The following POM121 variants were observed in gnomAD, a reference collection of about 807,000 sequenced individuals.
POM121 encodes nuclear envelope pore membrane protein POM 121.
POM121 carries 32 observed loss-of-function variants against 81.3 expected under a neutral mutation model. The observed-to-expected ratio is 0.39, with a 90% CI of 0.30 to 0.53. POM121 has a LOEUF of 0.53. POM121 is among the 20% of genes least tolerant of loss of function. The pLI, the probability that POM121 is intolerant of heterozygous loss-of-function variation, is 0.66. For missense variants in POM121, 1,138 were observed against 1,614.6 expected (o/e 0.70, Z 5.06); for synonymous variants, 514 against 694.2 (o/e 0.74, Z 4.08).
chr7:72,888,721 A>G lies in POM121; in HGVS notation c.-520-1906A>G, dbSNP rs189713449. Among the ~76,000 whole-genome samples the G allele has an allele frequency of 2.0e-5, 3 of 149,456 alleles. No individual in the cohort carries two copies. In the East Asian group the frequency reaches 5.8e-4, roughly 29 times the overall value. On this transcript the variant is annotated intron_variant, in intron 1 of 15. Transcript: ENST00000395270. Reference sequence around the variant, plus strand: ...GTGTGTGTATACACACAAACTGTATATATGTGCTTGTGTGTAATTGAAATA... The same window carrying G: ...GTGTGTGTATACACACAAACTGTATGTATGTGCTTGTGTGTAATTGAAATA...
rs1411803183 is a variant in POM121, at chr7:72,918,069, C to G, written c.-152+4241C>G. Among the ~76,000 whole-genome samples, 3 of 152,176 alleles carry G rather than the reference C, an allele frequency of 2.0e-5. No homozygotes were observed. In the East Asian group the frequency reaches 5.8e-4, roughly 29 times the overall value. On this transcript the variant is annotated intron_variant, in intron 4 of 15. Coordinates refer to the POM121 transcript ENST00000395270. ...ACTTTCACTAATTTACTACTGCTAT[C>G]TAGAAGGCAGAGCCAGGTGTACAAG...
At chr7:72,885,872 C>T (rs1469771518) in intron 1 of POM121, among the ~76,000 whole-genome samples, 2 of 151,244 alleles carry the variant, frequency 1.3e-5, no homozygotes, top group Admixed American at 1.3e-4. Flanking sequence ...TGTCTTCCTT[C>T]CTTTTGATTA....
intron 3 of POM121, among the ~76,000 whole-genome samples, chr7:72,901,377 CAG>C (rs1336554844): frequency 6.7e-6 from 1 of 148,598 alleles, no homozygotes; most frequent in Non-Finnish European, 1.5e-5. Context: ...TTTTTTGAGA[CAG>C]AGTCTTGCTC....
intron 2 of POM121, chr7:72,890,863 G>A (rs1791235048): frequency 1.6e-6 from 2 of 1,289,576 alleles, no homozygotes; most frequent in African/African-American, 2.9e-5. Flanking sequence ...TAGCTGCAGT[G>A]TTTATATTAT....
At chr7:72,931,134 C>T (rs1795979201) in intron 5 of POM121, among the ~76,000 whole-genome samples, 1 of 151,938 alleles carries the variant, frequency 6.6e-6, no homozygotes, top group Non-Finnish European at 1.5e-5. Context: ...TATCATTATC[C>T]CTCTTAATAA....
chr7:72,888,914 A>G (rs1791016203), intron 1 of POM121, among the ~76,000 whole-genome samples: 1 of 152,060 alleles, frequency 6.6e-6, no homozygotes, highest in African/African-American at 2.4e-5. Context: ...TCATGGATAC[A>G]AGATTTTTCT....
chr7:72,948,403 C>G (rs782025932), downstream of POM121: 2 of 1,613,352 alleles, frequency 1.2e-6, no homozygotes, highest in Admixed American at 1.7e-5. Context: ...AAACTGCTGC[C>G]TGCGGTGAGG....
rs782020285 is a variant in POM121, at chr7:72,946,157, T to A, written c.3673T>A (p.Ser1225Thr). 13 of 1,611,738 alleles carry A rather than the reference T, an allele frequency of 8.1e-6. No individual in the cohort carries two copies. The highest frequency in any genetic ancestry group is 1.1e-5 in the Non-Finnish European group (13 of 1,179,732). The change falls in exon 13 of 13, where the codon TCC becomes ACC. Residue 1225 changes from serine (S) to threonine (T), a missense_variant. By Grantham distance (58) the Ser-to-Thr change is moderately conservative (BLOSUM62 1). This residue lies in a region of POM121 where 336 missense variants were observed against 344.3 expected (regional missense o/e 0.98). Coordinates refer to ENST00000434423, the MANE Select transcript of POM121 (RefSeq NM_001387691.1). ...TCCAGGATCGGCGGCCCTTTCATTTTCCATTGGTGCGGGATCCAAGACCCC... is the reference window on the plus strand; with the variant it reads ...TCCAGGATCGGCGGCCCTTTCATTTACCATTGGTGCGGGATCCAAGACCCC... ...APFGSAALSF[S>T]IGAGSKTPGA... is the part of the protein sequence containing the mutation.
At chr7:72,939,604 C>T (rs1250082417) in intron 7 of POM121, among the ~76,000 whole-genome samples, 195 bp downstream of exon 7, 3 of 152,304 alleles carry the variant, frequency 2.0e-5, no homozygotes, top group Middle Eastern at 3.4e-3. Context: ...CAGGGACTAA[C>T]GATTGGATAG....
intron 1 of POM121, among the ~76,000 whole-genome samples, chr7:72,887,334 T>C (rs1554490211): frequency 1.3e-5 from 2 of 152,062 alleles, no homozygotes; most frequent in African/African-American, 4.8e-5. Flanking sequence ...TTTGATGGAC[T>C]GATTCTTTTC....
At chr7:72,925,051 C>G, upstream of POM121, 6 of 1,350,432 alleles carry the variant, frequency 4.4e-6, no homozygotes, top group Non-Finnish European at 5.7e-6. Flanking sequence ...ACGTAGAGGG[C>G]GCGCGATGAC....
intron 5 of POM121, among the ~76,000 whole-genome samples, chr7:72,934,744 G>A (rs1377097290): frequency 6.6e-6 from 1 of 152,080 alleles, no homozygotes; most frequent in African/African-American, 2.4e-5. Flanking sequence ...GTTTTTTACT[G>A]TAGAAATACC....
At chr7:72,948,537 T>A (rs1403843255), downstream of POM121, 1 of 1,613,362 alleles carries the variant, frequency 6.2e-7, no homozygotes, top group African/African-American at 1.3e-5. Flanking sequence ...CTCTCTTCTT[T>A]CTCTTTGGGG....
At chr7:72,891,784 T>C (rs1427458244) in intron 3 of POM121, among the ~76,000 whole-genome samples, 20 of 152,254 alleles carry the variant, frequency 1.3e-4, no homozygotes, top group African/African-American at 4.3e-4. Context: ...TCATTCTTTT[T>C]ATCTTCCAGT....
At chr7:72,936,627 G>A (rs1554499581) in intron 5 of POM121, among the ~76,000 whole-genome samples, 2 of 152,050 alleles carry the variant, frequency 1.3e-5, no homozygotes, top group African/African-American at 4.8e-5. Flanking sequence ...GGCCATGCTG[G>A]TCTGGAATTC....
intron 1 of POM121, among the ~76,000 whole-genome samples, chr7:72,884,132 G>C (rs1289543903): frequency 8.5e-5 from 13 of 152,068 alleles, no homozygotes; most frequent in Non-Finnish European, 1.8e-4. Flanking sequence ...CTTGAACTGG[G>C]CTCAAGTGAT....
chr7:72,938,620 C>A lies in POM121; in HGVS notation c.1306C>A (p.Pro436Thr). Residue 436 changes from proline to threonine, a missense_variant, in exon 6 of 13, where the codon CCC becomes ACC. Physicochemically the swap from Pro to Thr is conservative, Grantham distance 38 (BLOSUM62 -1). Around this residue, in one of 7 missense-constraint regions of POM121, gnomAD observed 646 missense variants for 633.5 expected, o/e 1.02. Transcript: ENST00000434423. ...GAAGAGAAATGGCCCCAGTTCATCA[C>A]CCTTCTCTAGCCCAGCCTCCTCCCG... ...LWKRNGPSSS[P>T]FSSPASSRSQ... 2 of 1,613,878 alleles carry A rather than the reference C, an allele frequency of 1.2e-6. No homozygotes were observed. Among genetic ancestry groups the A allele is most frequent in the Non-Finnish European group, 1.7e-6 (2 of 1,179,838 alleles).
chr7:72,911,892 G>A (rs1793841241), intron 3 of POM121, among the ~76,000 whole-genome samples: 1 of 152,230 alleles, frequency 6.6e-6, no homozygotes, highest in Non-Finnish European at 1.5e-5. Flanking sequence ...GTTTATAAAT[G>A]AACTTTCTAT....
At chr7:72,883,938 C>T (rs1239818515) in intron 1 of POM121, among the ~76,000 whole-genome samples, 1 of 151,994 alleles carries the variant, frequency 6.6e-6, no homozygotes, top group East Asian at 1.9e-4. Context: ...TTTTTGGAGA[C>T]AGAGTCTCAC....
Sources: allele counts gnomAD v4.1 joint callset (sites outside exome capture counted in the v4.1 genomes callset), GRCh38; gene constraint gnomAD v4.1.1; regional missense constraint gnomAD v4.1.1; transcripts MANE v1.5; gene names NCBI Gene and HGNC (gene_info 2026-07-23, HGNC 2026-07-21).